The following ARMC2 variants were observed in gnomAD, a reference collection of about 807,000 sequenced individuals.
The protein encoded by ARMC2 is armadillo repeat-containing protein 2.
In ARMC2, 67 loss-of-function variants were observed where a neutral mutation model predicts 90.3. The ratio of observed to expected loss-of-function variants is 0.74; its 90% confidence interval spans 0.61 to 0.91. The LOEUF is 0.91. ARMC2 is among the 40% of genes least tolerant of loss of function. ARMC2 has a pLI of 0.00. For missense variants in ARMC2, 920 were observed against 1,030.9 expected (o/e 0.89, Z 1.47); for synonymous variants, 393 against 393.0 (o/e 1.00, Z 0.00).
In ARMC2 at chr6:108,936,999, G is replaced by C. The variant is rs1298147643; in HGVS notation, c.1596G>C (p.Gln532His). 1.3e-6 allele frequency: 2 copies of C among 1,581,054 alleles called. No homozygotes were observed. The highest frequency in any genetic ancestry group is 8.6e-7 in the Non-Finnish European group (1 of 1,161,068). Residue 532 changes from glutamine to histidine, a missense_variant and splice_region_variant, in exon 12 of 18, where the codon CAG becomes CAC. By Grantham distance (24) the Gln-to-His change is conservative. Transcript: ENST00000392644. ...LNLINKYQKK[Q>H]DLVVRVVFIL... is the part of the protein sequence containing the mutation. The stretch of plus-strand genomic sequence containing the variant: ...TAATTAACAAATACCAGAAGAAGCA[G>C]GTCAGTTCTTCATTCATTTAATTCT...
chr6:108,971,920 CAAAA>C (rs1205056763), intron 17 of ARMC2, among the ~76,000 whole-genome samples: 2 of 73,674 alleles, frequency 2.7e-5, no homozygotes, highest in Non-Finnish European at 5.5e-5. Context: ...GAGTCCATCT[CAAAA>C]AAAAAAAAAA....
At chr6:109,009,325 AC>A in the ARMC2 span, 1 of 1,457,890 alleles carries the variant, frequency 6.9e-7, no homozygotes. Flanking sequence ...CCGCCCAGGT[AC>A]CCAGCGGCCC....
chr6:108,884,314 C>T (rs1448457624), intron 5 of ARMC2, among the ~76,000 whole-genome samples: 2 of 152,152 alleles, frequency 1.3e-5, no homozygotes, highest in African/African-American at 4.8e-5. Flanking sequence ...AAATGTAAGT[C>T]CCCAGACTTA....
the ARMC2 span, among the ~76,000 whole-genome samples, chr6:109,012,706 G>C: frequency 1.3e-5 from 2 of 152,138 alleles, no homozygotes; most frequent in African/African-American, 4.8e-5. Flanking sequence ...AAAAGATCTA[G>C]CATATGCAGA....
chr6:108,986,709 A>G, the ARMC2 span: 2 of 152,318 alleles, frequency 1.3e-5, no homozygotes, highest in Admixed American at 1.3e-4. Flanking sequence ...ACTGCGCAGC[A>G]GTCTACAGCA....
the ARMC2 span, among the ~76,000 whole-genome samples, chr6:109,041,507 A>G: frequency 1.3e-5 from 2 of 150,076 alleles, no homozygotes; most frequent in Non-Finnish European, 3.0e-5. Flanking sequence ...TATTTACCAT[A>G]ATTGTTGTTT....
At chr6:108,969,846 A>G (rs1335051189) in intron 17 of ARMC2, among the ~76,000 whole-genome samples, 1 of 152,206 alleles carries the variant, frequency 6.6e-6, no homozygotes, top group African/African-American at 2.4e-5. Flanking sequence ...GTTTGAGACC[A>G]GCTTGGGCAA....
intron 10 of ARMC2, among the ~76,000 whole-genome samples, chr6:108,913,749 CTTTTG>C (rs1293989301): frequency 6.6e-6 from 1 of 152,082 alleles, no homozygotes; most frequent in Non-Finnish European, 1.5e-5. Flanking sequence ...TTAATAGTCA[CTTTTG>C]TTTGTTTGCT....
rs138343068 is a variant in ARMC2 at position 108,963,017 on chromosome 6, T to A, written c.2152+890T>A. Among the ~76,000 whole-genome samples the A allele has an allele frequency of 8.0e-3, 1,214 of 152,090 alleles. 25 individuals are homozygous for A. The highest frequency in any genetic ancestry group is 0.028 in the African/African-American group (1,159 of 41,500). On this transcript the variant is annotated intron_variant, in intron 15 of 17. Transcript: ENST00000392644. ...CTATCTCTAAAAAATAAAAAAAATT[T>A]AAAAATTAAAAAAGGACAGCATTCA...
intron 17 of ARMC2, among the ~76,000 whole-genome samples, 154 bp downstream of exon 17, chr6:108,965,294 G>A (rs1246781360): frequency 6.7e-6 from 1 of 150,174 alleles, no homozygotes; most frequent in Admixed American, 6.6e-5. Context: ...ATTTGGAACT[G>A]AAAAGGCTGA....
In ARMC2 at chr6:108,854,493, G is replaced by A. The variant is rs1774333546; in HGVS notation, c.218+8G>A. 6.2e-7 allele frequency: 1 copy of A among 1,608,670 alleles called. No individual in the cohort carries two copies. Among genetic ancestry groups the A allele is most frequent in the Non-Finnish European group, 8.5e-7 (1 of 1,175,604 alleles). On this transcript the variant is annotated splice_region_variant and intron_variant, in intron 2 of 17. Coordinates refer to ENST00000392644, the MANE Select transcript of ARMC2 (RefSeq NM_032131.6). ...ACCTCCTTCCTCCTTCAGGTATATG[G>A]CATTTCACATTCATGTTCATTCAGA...
intron 4 of ARMC2, 141 bp from the exon 5 acceptor site, chr6:108,876,002 G>T: frequency 1.4e-6 from 1 of 737,658 alleles, no homozygotes; most frequent in Non-Finnish European, 2.2e-6. Flanking sequence ...GAAAGGCTTT[G>T]GCCATAAAAT....
At position 108,876,136 on chromosome 6, in the gene ARMC2, A is replaced by T; in HGVS notation, c.464-7A>T. The T allele has an allele frequency of 6.3e-7, 1 of 1,595,704 alleles. No individual in the cohort carries two copies. Among genetic ancestry groups the T allele is most frequent in the Non-Finnish European group, 8.5e-7 (1 of 1,171,044 alleles). ...TTCAACAAAATATTTTCTTGGTTAT[A>T]TTGCAGCAAAGAAGACAGTGGAATC... On this transcript the variant is annotated splice_polypyrimidine_tract_variant and splice_region_variant and intron_variant, in intron 4 of 17. Transcript: ENST00000392644.
chr6:108,901,264 C>T (rs1412133748), intron 7 of ARMC2, among the ~76,000 whole-genome samples: 1 of 151,194 alleles, frequency 6.6e-6, no homozygotes, highest in Non-Finnish European at 1.5e-5. Flanking sequence ...TAGGCACCCG[C>T]CACCATGCCT....
chr6:109,023,580 C>T, the ARMC2 span, among the ~76,000 whole-genome samples: 2 of 152,116 alleles, frequency 1.3e-5, no homozygotes, highest in Admixed American at 6.5e-5. Context: ...GTCCCAGGTG[C>T]AAGGATTTGG....
the ARMC2 span, among the ~76,000 whole-genome samples, chr6:109,021,783 T>C: frequency 2.0e-5 from 3 of 152,164 alleles, no homozygotes; most frequent in Non-Finnish European, 4.4e-5. Flanking sequence ...ATAAGCTATG[T>C]TGAATCAGAA....
chr6:108,986,985 T>C, the ARMC2 span: 3 of 152,816 alleles, frequency 2.0e-5, no homozygotes, highest in East Asian at 3.9e-4. Flanking sequence ...AGGAATTCTA[T>C]GCTTTTTTAG....
At chr6:108,880,765 G>A (rs1309144389) in intron 5 of ARMC2, among the ~76,000 whole-genome samples, 2 of 59,362 alleles carry the variant, frequency 3.4e-5, no homozygotes, top group Non-Finnish European at 7.1e-5. Flanking sequence ...CCCCCTTTCC[G>A]TTCCCTTCCC....
chr6:108,926,760 GA>G, intron 10 of ARMC2, among the ~76,000 whole-genome samples: 1 of 151,968 alleles, frequency 6.6e-6, no homozygotes, highest in Non-Finnish European at 1.5e-5. Context: ...CTTAGAAGAA[GA>G]CTACATTGTG....
Sources: allele counts gnomAD v4.1 joint callset (sites outside exome capture counted in the v4.1 genomes callset), GRCh38; gene constraint gnomAD v4.1.1; transcripts MANE v1.5; gene names NCBI Gene and HGNC (gene_info 2026-07-23, HGNC 2026-07-21).